Variants in OR2T11 observed in about 807,000 individuals in gnomAD.
OR2T11 encodes olfactory receptor 2T11.
Under a neutral mutation model 13.5 loss-of-function variants are expected in OR2T11, and 14 were observed. That is an observed-to-expected ratio of 1.04 (90% confidence interval 0.69 to 1.62). The LOEUF is 1.62. Ranked by LOEUF, OR2T11 falls within the 40% of genes most tolerant of loss-of-function variation. The pLI, the probability that OR2T11 is intolerant of heterozygous loss-of-function variation, is 0.00. For synonymous variants in OR2T11, 163 were observed against 154.6 expected (o/e 1.05, Z -0.40); for missense variants, 410 against 389.7 (o/e 1.05, Z -0.44).
At chr1:248,628,189 A>G (rs1296814784) in intron 1 of OR2T11, among the ~76,000 whole-genome samples, 1 of 143,588 alleles carries the variant, frequency 7.0e-6, no homozygotes, top group Admixed American at 6.8e-5. Context: ...GCTACGGAGC[A>G]GATACATGGA....
At chr1:248,627,410 A>ACCACCGAG in intron 1 of OR2T11, 138 bp from the exon 2 acceptor site, 1 of 426,790 alleles carries the variant, frequency 2.3e-6, no homozygotes, top group Non-Finnish European at 4.2e-6. Context: ...TGCGTGATAC[A>ACCACCGAG]ATTGCTGTAT....
chr1:248,634,827 C>T (rs1263574954), intron 1 of OR2T11, among the ~76,000 whole-genome samples: 1 of 143,370 alleles, frequency 7.0e-6, no homozygotes, highest in Non-Finnish European at 1.5e-5. Context: ...TGCGTTTTTC[C>T]TTTATGCTAA....
chr1:248,631,620 T>C (rs377712818), intron 1 of OR2T11, among the ~76,000 whole-genome samples: 4 of 143,460 alleles, frequency 2.8e-5, no homozygotes, highest in African/African-American at 1.1e-4. Flanking sequence ...TGATCACAAG[T>C]TGTCAACAAA....
chr1:248,633,902 C>T lies in OR2T11; in HGVS notation c.-145+1136G>A, dbSNP rs1205977507. On this transcript the variant is annotated intron_variant, in intron 1 of 1. Coordinates refer to ENST00000641193, the MANE Select transcript of OR2T11 (RefSeq NM_001001964.2). ...ACTATATGAAGAATCTAGCAAAAGC[C>T]AATGACTTTTTCACATAAGCTCCAA... 2.1e-5 allele frequency among the ~76,000 whole-genome samples: 3 copies of T among 143,476 alleles called. 1 individual carries two copies. The highest frequency in any genetic ancestry group is 8.2e-5 in the African/African-American group (3 of 36,620). 94.1% of individuals were successfully genotyped at this position (143,476 alleles called of 152,430 possible).
Position 248,627,142 on chromosome 1 carries a change from G to A in OR2T11, c.-14C>T, listed in dbSNP as rs200536624. 5.9e-4 allele frequency: 834 copies of A among 1,416,616 alleles called. 77 individuals carry two copies. Among genetic ancestry groups the A allele is most frequent in the Non-Finnish European group, 7.2e-4 (733 of 1,022,740 alleles). The allele number at this position is 1,416,616 out of a possible 1,614,324, so 87.8% of individuals were successfully genotyped here. On this transcript the variant is annotated 5_prime_UTR_variant, in exon 2 of 2. Transcript: ENST00000641193. ...TGTGTTCGTCATTGATATGGCCCAC[G>A]AGCGTCCCAGGGCAACGGGAAGACA...
chr1:248,625,788 G>A lies in OR2T11; in HGVS notation c.*390C>T, dbSNP rs1660505267. On this transcript the variant is annotated 3_prime_UTR_variant, in exon 2 of 2. Coordinates refer to ENST00000641193, the MANE Select transcript of OR2T11 (RefSeq NM_001001964.2). ...ATTGGCATTCTTTTACTCTATTGCT[G>A]CTAATCACAGAATTTGACTGTAAAC... The A allele has an allele frequency of 6.4e-6, 1 of 156,954 alleles. No homozygotes were observed. The highest frequency in any genetic ancestry group is 5.9e-5 in the Admixed American group (1 of 16,918). 9.7% of individuals were successfully genotyped at this position (156,954 alleles called of 1,614,324 possible). A position where few individuals can be genotyped will look rare whatever the true frequency, so the allele number is the denominator to read the frequency against.
Position 248,627,262 on chromosome 1 carries a change from CAGGCTAG to C in OR2T11, c.-141_-135del. 18 of 595,916 alleles carry C rather than the reference CAGGCTAG, an allele frequency of 3.0e-5. 1 individual carries two copies. The highest frequency in any genetic ancestry group is 2.9e-4 in the East Asian group (10 of 35,068). The allele number at this position is 595,916 out of a possible 1,614,324, so 36.9% of individuals were successfully genotyped here. A position where few individuals can be genotyped will look rare whatever the true frequency, so the allele number is the denominator to read the frequency against. On this transcript the variant is annotated 5_prime_UTR_variant, in exon 2 of 2. Transcript: ENST00000641193. The stretch of plus-strand genomic sequence containing the variant: ...GAGGGTACCGTCAGGATGAAGCTTC[CAGGCTAG>C]AGGCTAGAGAAGAACAGGCAGACCA...
At position 248,634,091 on chromosome 1, in the gene OR2T11, C is replaced by CAA. The variant is rs767705390; in HGVS notation, c.-145+945_-145+946dup. On this transcript the variant is annotated intron_variant, in intron 1 of 1. Coordinates refer to ENST00000641193, the MANE Select transcript of OR2T11 (RefSeq NM_001001964.2). ...ATCTTCAGTTTCCACGTCGTCTCTT[C>CAA]AAACCCGAGATGCCAAGGAAACTTT... is the stretch of plus-strand genomic sequence containing the variant. 1.7e-4 allele frequency among the ~76,000 whole-genome samples: 24 copies of CAA among 141,208 alleles called. 2 individuals carry two copies. The highest frequency in any genetic ancestry group is 3.0e-4 in the Non-Finnish European group (20 of 65,864). 92.6% of individuals were successfully genotyped at this position (141,208 alleles called of 152,430 possible).
In OR2T11 at chr1:248,631,806, A is replaced by G. The variant is rs766421223; in HGVS notation, c.-145+3232T>C. On this transcript the variant is annotated intron_variant, in intron 1 of 1. Coordinates refer to ENST00000641193, the MANE Select transcript of OR2T11 (RefSeq NM_001001964.2). Reference sequence around the variant, plus strand: ...GAAAGGTCTTACAAATGCCACTCACACACGTCACTGTTGTGCAATTGCAGA... The same window carrying G: ...GAAAGGTCTTACAAATGCCACTCACGCACGTCACTGTTGTGCAATTGCAGA... 1.1e-4 allele frequency among the ~76,000 whole-genome samples: 16 copies of G among 142,754 alleles called. 3 individuals carry two copies. Among genetic ancestry groups the G allele is most frequent in the Non-Finnish European group, 3.0e-5 (2 of 66,166 alleles). 93.7% of individuals were successfully genotyped at this position (142,754 alleles called of 152,430 possible).
rs959436794 is a variant in OR2T11 at position 248,624,024 on chromosome 1, G to T, written c.*2154C>A. 1 of 139,776 alleles carries T rather than the reference G, an allele frequency of 7.2e-6. No individual in the cohort carries two copies. The highest frequency in any genetic ancestry group is 2.9e-5 in the African/African-American group (1 of 34,814). 8.7% of individuals were successfully genotyped at this position (139,776 alleles called of 1,614,324 possible). On this transcript the variant is annotated 3_prime_UTR_variant, in exon 2 of 2. Transcript: ENST00000641193. Reference sequence around the variant, plus strand: ...CCGAGAAGATACAAACCATCGGAAGGGATCTTAGTTATAACACACGCTCTG... The same window carrying T: ...CCGAGAAGATACAAACCATCGGAAGTGATCTTAGTTATAACACACGCTCTG...
In OR2T11 at chr1:248,626,274, G is replaced by A. The variant is rs1283683267; in HGVS notation, c.855C>T (p.Leu285=). Residue 285 remains leucine, a synonymous_variant, in exon 2 of 2, where the codon CTC becomes CTT. Coordinates refer to ENST00000641193, the MANE Select transcript of OR2T11 (RefSeq NM_001001964.2). ...CGTCCTTGTTTCTGAGGCTGTAGAT[G>A]AGAGGATTAAGCATGGGCGTGACAA... The part of the protein sequence containing the change: ...YTIVTPMLNP[L]IYSLRNKDVI... The A allele has an allele frequency of 1.3e-6, 2 of 1,569,354 alleles. No individual in the cohort carries two copies. The highest frequency in any genetic ancestry group is 4.6e-5 in the East Asian group (2 of 43,664).
rs561856019 is a variant in OR2T11 at position 248,633,882 on chromosome 1, A to G, written c.-145+1156T>C. On this transcript the variant is annotated intron_variant, in intron 1 of 1. Transcript: ENST00000641193. ...CCTGTTTGCTTCAAAGAAGGACTAT[A>G]TGAAGAATCTAGCAAAAGCCAATGA... 7.6e-5 allele frequency among the ~76,000 whole-genome samples: 11 copies of G among 144,158 alleles called. No homozygotes were observed. In the South Asian group the frequency reaches 2.0e-3, roughly 26 times the overall value. 94.6% of individuals were successfully genotyped at this position (144,158 alleles called of 152,430 possible). A position where few individuals can be genotyped will look rare whatever the true frequency, so the allele number is the denominator to read the frequency against.
chr1:248,628,241 C>T (rs1439735546), intron 1 of OR2T11, among the ~76,000 whole-genome samples: 2 of 143,272 alleles, frequency 1.4e-5, no homozygotes, highest in Non-Finnish European at 3.0e-5. Context: ...GGAATTTTAT[C>T]TTTAACATAC....
chr1:248,629,364 G>A (rs1278458887), intron 1 of OR2T11, among the ~76,000 whole-genome samples: 1 of 142,818 alleles, frequency 7.0e-6, no homozygotes. Context: ...CTGCACTCCA[G>A]CCTGGGTGAC....
rs541912458 is a variant in OR2T11, at chr1:248,626,384, A to G, written c.745T>C (p.Tyr249His). ...SSHLTVVSIFYGAAFYTYVLP... is the reference protein window; with the variant it reads ...SSHLTVVSIFHGAAFYTYVLP... ...ACGTATGTGTAGAAGGCAGCCCCATAGAAGATGCTAACTACAGTCAAGTGG... is the reference window on the plus strand; with the variant it reads ...ACGTATGTGTAGAAGGCAGCCCCATGGAAGATGCTAACTACAGTCAAGTGG... The change falls in exon 2 of 2, where the codon TAT (tyrosine) becomes CAT (histidine). Residue 249 changes from tyrosine to histidine, a missense_variant. Transcript: ENST00000641193. 3.2e-6 allele frequency: 5 copies of G among 1,572,886 alleles called. 1 individual carries two copies. The South Asian group carries it at 5.6e-5, about 18-fold the overall frequency.
rs1327426012 is a variant in OR2T11, at chr1:248,626,461, T to C, written c.668A>G (p.His223Arg). Residue 223 changes from histidine to arginine, a missense_variant, in exon 2 of 2, where the codon CAC becomes CGC. Transcript: ENST00000641193. ...TSYSLILLTI[H>R]RMPSAEGRKK... Reference sequence around the variant, plus strand: ...GCGACCTTCAGCAGAGGGCATGCGGTGGATGGTTAACAAGATGAGGGAGTA... The same window carrying C: ...GCGACCTTCAGCAGAGGGCATGCGGCGGATGGTTAACAAGATGAGGGAGTA... The C allele has an allele frequency of 1.9e-6, 3 of 1,571,868 alleles. 1 individual carries two copies. The highest frequency in any genetic ancestry group is 2.6e-6 in the Non-Finnish European group (3 of 1,156,356).
At position 248,625,397 on chromosome 1, in the gene OR2T11, C is replaced by CA. The variant is rs1480689675; in HGVS notation, c.*780dup. ...ACTTCCCACCCCACTCAGTCAGTCT[C>CA]AAAGTGCCTTAAGTGTTGCTGTTGA... On this transcript the variant is annotated 3_prime_UTR_variant, in exon 2 of 2. Transcript: ENST00000641193. 6.9e-6 allele frequency: 1 copy of CA among 144,226 alleles called. No homozygotes were observed. The highest frequency in any genetic ancestry group is 2.7e-5 in the African/African-American group (1 of 36,776). 8.9% of individuals were successfully genotyped at this position (144,226 alleles called of 1,614,324 possible).
intron 1 of OR2T11, among the ~76,000 whole-genome samples, chr1:248,633,961 G>A (rs1250140001): frequency 7.7e-6 from 1 of 129,084 alleles, no homozygotes; most frequent in Non-Finnish European, 1.6e-5. Context: ...ACTTATCAGT[G>A]AAGCTGGAAA....
chr1:248,630,552 CAG>C (rs1255098698), intron 1 of OR2T11, among the ~76,000 whole-genome samples: 1 of 143,768 alleles, frequency 7.0e-6, no homozygotes, highest in Non-Finnish European at 1.5e-5. Flanking sequence ...ATTATACACC[CAG>C]AGATTGTACT....
Sources: allele counts gnomAD v4.1 joint callset (sites outside exome capture counted in the v4.1 genomes callset), GRCh38; gene constraint gnomAD v4.1.1; transcripts MANE v1.5; gene names NCBI Gene and HGNC (gene_info 2026-07-23, HGNC 2026-07-21).